PLXDC2: variants seen among roughly 807,000 people sequenced by gnomAD.
PLXDC2 encodes the protein plexin domain-containing protein 2.
Under a neutral mutation model 68.9 loss-of-function variants are expected in PLXDC2, and 40 were observed. The ratio of observed to expected loss-of-function variants is 0.58; its 90% CI spans 0.45 to 0.76. The LOEUF (loss-of-function observed/expected upper bound fraction) is 0.76, where lower values mean the gene tolerates loss of function less well. Ranked by LOEUF, PLXDC2 falls within the 30% of genes least tolerant of loss-of-function variation. PLXDC2 has a pLI of 0.00. For missense variants in PLXDC2, 644 were observed against 661.9 expected (o/e 0.97, Z 0.30); for synonymous variants, 243 against 234.2 (o/e 1.04, Z -0.34).
chr10:19,904,893 A>G (rs375755925), intron 1 of PLXDC2, among the ~76,000 whole-genome samples: 13 of 152,120 alleles, frequency 8.5e-5, no homozygotes, highest in African/African-American at 1.7e-4. Flanking sequence ...ATAAACTACT[A>G]CTTCTTGGGA....
At chr10:20,060,228 A>G (rs573915713) in intron 3 of PLXDC2, among the ~76,000 whole-genome samples, 6 of 151,832 alleles carry the variant, frequency 4.0e-5, no homozygotes, top group African/African-American at 1.4e-4. Context: ...GGGTCTTGCT[A>G]TTTTGCCTAG....
At chr10:19,945,992 C>T (rs1490759682) in intron 1 of PLXDC2, among the ~76,000 whole-genome samples, 6 of 152,130 alleles carry the variant, frequency 3.9e-5, no homozygotes, top group African/African-American at 1.4e-4. Flanking sequence ...CAAATTGGAC[C>T]CAATGCTGCA....
chr10:19,890,577 G>A (rs1237124469), intron 1 of PLXDC2, among the ~76,000 whole-genome samples: 7 of 137,932 alleles, frequency 5.1e-5, no homozygotes, highest in East Asian at 4.4e-4. Context: ...GGGTTTCACC[G>A]CGTTAGCCAG....
intron 1 of PLXDC2, among the ~76,000 whole-genome samples, chr10:19,853,744 A>T (rs777572064): frequency 6.6e-6 from 1 of 152,210 alleles, no homozygotes; most frequent in Non-Finnish European, 1.5e-5. Context: ...CCACGGTTTC[A>T]TAAGGAAATA....
At chr10:20,130,912 C>T (rs1190846595) in intron 4 of PLXDC2, among the ~76,000 whole-genome samples, 1 of 152,160 alleles carries the variant, frequency 6.6e-6, no homozygotes, top group Non-Finnish European at 1.5e-5. Flanking sequence ...CATCTACATT[C>T]ATCAGGGATA....
chr10:20,001,516 G>A (rs141276792), intron 1 of PLXDC2, among the ~76,000 whole-genome samples: 2 of 147,948 alleles, frequency 1.4e-5, no homozygotes, highest in East Asian at 3.9e-4. Context: ...CATTGCTTCA[G>A]GGCTGCACAT....
intron 2 of PLXDC2, among the ~76,000 whole-genome samples, chr10:20,037,609 C>A (rs1835601179): frequency 6.6e-6 from 1 of 150,432 alleles, no homozygotes. Context: ...GTAAAAAATA[C>A]ACTCTATTTC....
intron 9 of PLXDC2, among the ~76,000 whole-genome samples, chr10:20,196,539 A>AT (rs1306215343): frequency 6.6e-6 from 1 of 152,082 alleles, no homozygotes; most frequent in East Asian, 1.9e-4. Context: ...AGATTTCAAA[A>AT]TCTCTCTCTT....
At chr10:20,025,255 A>G (rs554011638) in intron 2 of PLXDC2, among the ~76,000 whole-genome samples, 2 of 125,162 alleles carry the variant, frequency 1.6e-5, no homozygotes, top group South Asian at 2.5e-4. Flanking sequence ...GCCAGCATCT[A>G]TTGTTTTTTC....
At chr10:20,109,711 A>G (rs370974381) in intron 4 of PLXDC2, among the ~76,000 whole-genome samples, 2 of 152,240 alleles carry the variant, frequency 1.3e-5, no homozygotes, top group African/African-American at 2.4e-5. Context: ...TTTAACTACT[A>G]TAATTAGAAA....
At chr10:19,839,444 G>A (rs890014841) in intron 1 of PLXDC2, among the ~76,000 whole-genome samples, 4 of 152,090 alleles carry the variant, frequency 2.6e-5, no homozygotes, top group African/African-American at 9.7e-5. Context: ...TTCCAATGTG[G>A]CCCAGGGAAG....
intron 12 of PLXDC2, among the ~76,000 whole-genome samples, chr10:20,230,651 G>A (rs73605612): frequency 0.2 from 26,312 of 129,024 alleles, 4,150 homozygotes; most frequent in African/African-American, 0.46. Context: ...CATGGTGAGC[G>A]CATGGTCACA....
chr10:20,106,949 G>A (rs1309096724), intron 4 of PLXDC2, among the ~76,000 whole-genome samples: 3 of 150,758 alleles, frequency 2.0e-5, no homozygotes, highest in African/African-American at 4.9e-5. Flanking sequence ...ATGATTAAAT[G>A]CTAACACTCA....
At chr10:19,997,085 C>G (rs537772362) in intron 1 of PLXDC2, among the ~76,000 whole-genome samples, 15 of 152,262 alleles carry the variant, frequency 9.9e-5, no homozygotes, top group South Asian at 8.3e-4. Context: ...TTCCTCAGAG[C>G]TTTAATAAAA....
chr10:20,137,249 C>A (rs1833946292), intron 4 of PLXDC2, among the ~76,000 whole-genome samples: 1 of 152,158 alleles, frequency 6.6e-6, no homozygotes, highest in Non-Finnish European at 1.5e-5. Context: ...TGGTTTTCTG[C>A]AAACTTTTAA....
chr10:20,025,654 CT>C (rs970843114), intron 2 of PLXDC2, among the ~76,000 whole-genome samples: 2 of 151,820 alleles, frequency 1.3e-5, no homozygotes, highest in Non-Finnish European at 2.9e-5. Context: ...TGGTGATAAT[CT>C]TTTTTTTATA....
chr10:19,873,797 A>C (rs1223351092), intron 1 of PLXDC2, among the ~76,000 whole-genome samples: 1 of 152,216 alleles, frequency 6.6e-6, no homozygotes, highest in African/African-American at 2.4e-5. Context: ...TCCACTGCAA[A>C]GTAAGATTAG....
In PLXDC2 at chr10:20,177,321, T is replaced by C. The variant is rs1467362328; in HGVS notation, c.980-7T>C. The C allele has an allele frequency of 5.0e-6, 8 of 1,591,774 alleles. No individual in the cohort carries two copies. Among genetic ancestry groups the C allele is most frequent in the Non-Finnish European group, 6.0e-6 (7 of 1,160,024 alleles). ...TCTTGGTGAATCTGTTCTTTCCTCT[T>C]CCCTAGCATGCCTCCAGTTTAACAG... On this transcript the variant is annotated splice_region_variant and splice_polypyrimidine_tract_variant and intron_variant, in intron 8 of 13. Transcript: ENST00000377252.
At chr10:20,189,476 C>CATATATATATATATATATATATAT (rs59999548) in intron 9 of PLXDC2, among the ~76,000 whole-genome samples, 11 of 75,776 alleles carry the variant, frequency 1.5e-4, no homozygotes, top group South Asian at 9.8e-4. Flanking sequence ...AAAGGTAGGC[C>CATATATATATATATATATATATAT]ATATATATAT....
Sources: gnomAD v4.1 joint callset for allele counts (sites outside exome capture counted in the v4.1 genomes callset) on GRCh38, gnomAD v4.1.1 for gene constraint, MANE v1.5 for transcripts, NCBI Gene and HGNC (gene_info 2026-07-23, HGNC 2026-07-21) for gene names.